Variants in SOX6 observed in about 807,000 individuals in gnomAD.
SOX6 encodes the protein SRY-box transcription factor 6, also known as transcription factor SOX-6.
A neutral mutation model predicts 97.8 loss-of-function variants in SOX6; 11 were observed. That is an observed-to-expected ratio of 0.11 (90% CI 0.07 to 0.19). The LOEUF (loss-of-function observed/expected upper bound fraction) is 0.19, where lower values mean the gene tolerates loss of function less well. SOX6 is among the 10% of genes least tolerant of loss of function. SOX6 has a pLI of 1.00. For synonymous variants in SOX6, 360 were observed against 371.4 expected (o/e 0.97, Z 0.35); for missense variants, 810 against 1,039.5 (o/e 0.78, Z 3.04).
At chr11:16,368,406 C>T (rs1014427946) in intron 1 of SOX6, among the ~76,000 whole-genome samples, 1 of 152,060 alleles carries the variant, frequency 6.6e-6, no homozygotes, top group African/African-American at 2.4e-5. Context: ...CATTTGTGCC[C>T]AGGAGGTCAA....
chr11:16,451,276 T>C (rs186052168), intron 1 of SOX6, among the ~76,000 whole-genome samples: 3 of 152,218 alleles, frequency 2.0e-5, no homozygotes, highest in African/African-American at 4.8e-5. Flanking sequence ...TGAGGTAGCA[T>C]ATATTATAAC....
At chr11:16,443,536 A>T (rs778637541) in intron 1 of SOX6, among the ~76,000 whole-genome samples, 2 of 151,910 alleles carry the variant, frequency 1.3e-5, no homozygotes, top group Non-Finnish European at 2.9e-5. Flanking sequence ...GAAAGCCTCT[A>T]TTTTTTTCTT....
At chr11:16,429,080 A>G (rs1415142280) in intron 1 of SOX6, among the ~76,000 whole-genome samples, 1 of 152,216 alleles carries the variant, frequency 6.6e-6, no homozygotes, top group Non-Finnish European at 1.5e-5. Flanking sequence ...AAAAAAGTTC[A>G]ACGTCACTGA....
At chr11:16,069,775 A>G (rs889074077) in intron 9 of SOX6, among the ~76,000 whole-genome samples, 2 of 152,210 alleles carry the variant, frequency 1.3e-5, no homozygotes, top group South Asian at 2.1e-4. Context: ...AGAAAAATGG[A>G]ACAAGCATTG....
intron 6 of SOX6, among the ~76,000 whole-genome samples, chr11:16,124,591 C>T (rs771104618): frequency 6.6e-6 from 1 of 151,908 alleles, no homozygotes; most frequent in African/African-American, 2.4e-5. Context: ...GAGAGAAAAG[C>T]AACTCAGGCA....
chr11:16,103,919 G>C (rs1183442198), intron 7 of SOX6, among the ~76,000 whole-genome samples: 1 of 151,902 alleles, frequency 6.6e-6, no homozygotes, highest in Non-Finnish European at 1.5e-5. Flanking sequence ...ATTGGGTACA[G>C]TGTACACTGC....
rs1466122197 is a variant in SOX6, at chr11:16,300,370, G to A, written c.445+18076C>T. Among the ~76,000 whole-genome samples, 1 of 152,072 alleles carries A rather than the reference G, an allele frequency of 6.6e-6. No individual in the cohort carries two copies. Among genetic ancestry groups the A allele is most frequent in the Non-Finnish European group, 1.5e-5 (1 of 68,004 alleles). On this transcript the variant is annotated intron_variant, in intron 3 of 15. Coordinates refer to ENST00000683767, the MANE Select transcript of SOX6 (RefSeq NM_001367873.1). This position sits in a 1 kb window ranked among gnomAD's most constrained non-coding sequence, Gnocchi z 4.1. ...GTTGTCTTCCTAAAATGCATACCTAGCATTTTTATTATGTATTATAACATT... is the reference window on the plus strand; with the variant it reads ...GTTGTCTTCCTAAAATGCATACCTAACATTTTTATTATGTATTATAACATT...
chr11:16,459,314 AAACT>A (rs1859873986), intron 1 of SOX6, among the ~76,000 whole-genome samples: 1 of 152,130 alleles, frequency 6.6e-6, no homozygotes, highest in Non-Finnish European at 1.5e-5. Context: ...AGCAAGAATC[AAACT>A]ATTTCCACTT....
intron 3 of SOX6, among the ~76,000 whole-genome samples, chr11:16,258,190 AAT>A (rs2134209458): frequency 6.6e-6 from 1 of 152,122 alleles, no homozygotes; most frequent in African/African-American, 2.4e-5. Flanking sequence ...CTAATCATAC[AAT>A]CTAGTAATCA....
intron 4 of SOX6, among the ~76,000 whole-genome samples, chr11:16,515,265 T>G (rs1035052057): frequency 3.3e-5 from 5 of 152,158 alleles, no homozygotes; most frequent in Non-Finnish European, 7.4e-5. Context: ...GGTATCTCAT[T>G]GTGGTTTTGA....
chr11:16,533,988 A>G (rs1565174074), intron 4 of SOX6, among the ~76,000 whole-genome samples: 1 of 152,142 alleles, frequency 6.6e-6, no homozygotes, highest in Non-Finnish European at 1.5e-5. Flanking sequence ...TCAAAAGCAC[A>G]TAAAGTTTCA....
chr11:16,249,589 C>T (rs1427292368), intron 3 of SOX6, among the ~76,000 whole-genome samples: 1 of 152,164 alleles, frequency 6.6e-6, no homozygotes, highest in Non-Finnish European at 1.5e-5. Flanking sequence ...AAGTCACTTC[C>T]ACATTTTTGG....
At chr11:16,082,728 C>A (rs945277091) in intron 9 of SOX6, among the ~76,000 whole-genome samples, 7 of 152,116 alleles carry the variant, frequency 4.6e-5, no homozygotes, top group African/African-American at 1.7e-4. Flanking sequence ...AACTAGAGAT[C>A]AAATTAAGAG....
At chr11:16,535,243 T>C (rs1426378419) in intron 4 of SOX6, among the ~76,000 whole-genome samples, 1 of 152,226 alleles carries the variant, frequency 6.6e-6, no homozygotes, top group Non-Finnish European at 1.5e-5. Context: ...AAAATGTATA[T>C]AATTAGCTGA....
chr11:16,129,399 A>C (rs1413222585), intron 6 of SOX6, among the ~76,000 whole-genome samples: 5 of 152,022 alleles, frequency 3.3e-5, no homozygotes, highest in Admixed American at 2.0e-4. Flanking sequence ...CATACATTAA[A>C]ATCTTCTATT....
At chr11:16,692,081 G>GTGTT (rs1554901000) in intron 3 of SOX6, among the ~76,000 whole-genome samples, 1 of 127,656 alleles carries the variant, frequency 7.8e-6, no homozygotes, top group Non-Finnish European at 1.7e-5. Flanking sequence ...GTGTGTGTGT[G>GTGTT]TGTGTGTGCG....
chr11:16,148,195 G>C (rs969844668), intron 6 of SOX6, among the ~76,000 whole-genome samples: 5 of 152,094 alleles, frequency 3.3e-5, no homozygotes, highest in Non-Finnish European at 1.5e-5. Context: ...AGTATATTCT[G>C]CCAATCAGTT....
intron 3 of SOX6, among the ~76,000 whole-genome samples, chr11:16,622,428 C>A (rs955447783): frequency 6.7e-6 from 1 of 150,008 alleles, no homozygotes; most frequent in African/African-American, 2.4e-5. Context: ...CCCTCCCACC[C>A]TTTTACCTGA....
intron 6 of SOX6, among the ~76,000 whole-genome samples, chr11:16,180,212 T>C (rs555748004): frequency 2.1e-4 from 32 of 151,978 alleles, no homozygotes; most frequent in African/African-American, 7.2e-4. Flanking sequence ...ACTGTAAACA[T>C]GCTTTGATCT....
Sources: gnomAD v4.1 joint callset for allele counts (sites outside exome capture counted in the v4.1 genomes callset) on GRCh38, gnomAD v4.1.1 for gene constraint, Gnocchi (gnomAD v3.1) non-coding constraint, MANE v1.5 for transcripts, NCBI Gene and HGNC (gene_info 2026-07-23, HGNC 2026-07-21) for gene names.